Variants in SYT16 observed in about 807,000 individuals in gnomAD.
SYT16 encodes synaptotagmin 16, also known as synaptotagmin-16.
A neutral mutation model predicts 61.4 loss-of-function variants in SYT16; 42 were observed. The observed-to-expected ratio is 0.68, with a 90% CI of 0.53 to 0.89. The LOEUF (loss-of-function observed/expected upper bound fraction) is 0.89. SYT16 is among the 40% of genes least tolerant of loss of function. The pLI, the probability that SYT16 is intolerant of heterozygous loss-of-function variation, is 0.00. For missense variants in SYT16, 804 were observed against 807.3 expected (o/e 1.00, Z 0.05); for synonymous variants, 314 against 302.3 (o/e 1.04, Z -0.40).
At chr14:61,943,311 G>A (rs2050283882) in intron 1 of SYT16, among the ~76,000 whole-genome samples, 3 of 152,132 alleles carry the variant, frequency 2.0e-5, no homozygotes, top group Admixed American at 6.5e-5. Flanking sequence ...GTACAAAGAG[G>A]AGCTGATACC....
intron 3 of SYT16, among the ~76,000 whole-genome samples, chr14:62,037,139 T>C (rs897983277): frequency 5.3e-5 from 8 of 152,162 alleles, no homozygotes; most frequent in Non-Finnish European, 4.4e-5. Flanking sequence ...CAGTCAGGTC[T>C]CAGATGCTCT....
At chr14:61,909,625 A>T (rs1361856625) in intron 1 of SYT16, among the ~76,000 whole-genome samples, 2 of 152,198 alleles carry the variant, frequency 1.3e-5, no homozygotes, top group African/African-American at 4.8e-5. Flanking sequence ...TTACATGTCC[A>T]AAGACCCCTT....
rs1235820670 is a variant in SYT16 at position 62,103,466 on chromosome 14, A to G, written c.*2759A>G. On this transcript the variant is annotated 3_prime_UTR_variant, in exon 8 of 8. Coordinates refer to ENST00000683842, the MANE Select transcript of SYT16 (RefSeq NM_001367656.1). ...TAAGAGTAAATGATGCGCTGGGTTT[A>G]TGGAAATCTGCTTTATAGTGTGCCT... 4 of 152,166 alleles carry G rather than the reference A, an allele frequency of 2.6e-5. No individual in the cohort carries two copies. The highest frequency in any genetic ancestry group is 1.3e-4 in the Admixed American group (2 of 15,272). 9.4% of individuals were successfully genotyped at this position (152,166 alleles called of 1,614,324 possible). A position where few individuals can be genotyped will look rare whatever the true frequency, so the allele number is the denominator to read the frequency against.
chr14:61,948,089 G>A (rs921912465), intron 1 of SYT16, among the ~76,000 whole-genome samples: 1 of 152,096 alleles, frequency 6.6e-6, no homozygotes, highest in Non-Finnish European at 1.5e-5. Flanking sequence ...AGTCTTGAAT[G>A]TTATAATATT....
chr14:62,006,198 T>A (rs190413949), intron 3 of SYT16, among the ~76,000 whole-genome samples: 2 of 152,226 alleles, frequency 1.3e-5, no homozygotes, highest in Admixed American at 6.5e-5. Context: ...TTTGTTTTGT[T>A]TTTGTTTTTG....
chr14:62,000,198 T>C (rs762283554), intron 3 of SYT16, among the ~76,000 whole-genome samples: 2 of 149,378 alleles, frequency 1.3e-5, no homozygotes, highest in Non-Finnish European at 3.0e-5. Flanking sequence ...TGGATTTGGC[T>C]ATTTCTCTTT....
chr14:62,062,814 C>A (rs1254817603), intron 3 of SYT16, among the ~76,000 whole-genome samples: 1 of 152,100 alleles, frequency 6.6e-6, no homozygotes, highest in African/African-American at 2.4e-5. Flanking sequence ...GGTACTGCAC[C>A]ACTGAGCACA....
At chr14:62,074,059 G>C (rs1250752764) in intron 4 of SYT16, among the ~76,000 whole-genome samples, 1 of 152,168 alleles carries the variant, frequency 6.6e-6, no homozygotes, top group Non-Finnish European at 1.5e-5. Context: ...TTCATCCTGG[G>C]ATGGGGTCTG....
chr14:61,936,560 T>C (rs1010760661), intron 1 of SYT16, among the ~76,000 whole-genome samples: 4 of 152,146 alleles, frequency 2.6e-5, no homozygotes, highest in African/African-American at 9.7e-5. Flanking sequence ...CCTGCCATAA[T>C]TGTCCCGAGA....
Position 61,923,721 on chromosome 14 carries a change from T to C in SYT16, c.-324-46411T>C, listed in dbSNP as rs187733472. ...TGTGCCAGACAAATGGAAATGAATT[T>C]TGAGTTTAGGGGTTTGACTGTTACA... is the stretch of plus-strand genomic sequence containing the variant. On this transcript the variant is annotated intron_variant, in intron 1 of 7. Coordinates refer to ENST00000683842, the MANE Select transcript of SYT16 (RefSeq NM_001367656.1). 5.2e-4 allele frequency among the ~76,000 whole-genome samples: 79 copies of C among 152,280 alleles called. No individual in the cohort carries two copies. In the East Asian group the frequency reaches 0.013, roughly 25 times the overall value.
At chr14:61,890,035 A>C (rs1014580834) in intron 1 of SYT16, among the ~76,000 whole-genome samples, 8 of 152,140 alleles carry the variant, frequency 5.3e-5, no homozygotes, top group African/African-American at 1.9e-4. Flanking sequence ...TCGGTAAATA[A>C]GAATAACCTT....
At chr14:61,943,910 G>A (rs764355272) in intron 1 of SYT16, among the ~76,000 whole-genome samples, 21 of 152,120 alleles carry the variant, frequency 1.4e-4, no homozygotes, top group Admixed American at 5.9e-4. Flanking sequence ...AAGAAATAAA[G>A]GGTATTCAAA....
intron 7 of SYT16, among the ~76,000 whole-genome samples, chr14:62,088,955 CTTT>C (rs11318289): frequency 6.9e-6 from 1 of 144,096 alleles, no homozygotes; most frequent in Non-Finnish European, 1.5e-5. Flanking sequence ...GTTGGCAATA[CTTT>C]TTTTTTTTTT....
At chr14:61,880,514 G>A (rs1476247268) in intron 1 of SYT16, among the ~76,000 whole-genome samples, 1 of 152,006 alleles carries the variant, frequency 6.6e-6, no homozygotes, top group Non-Finnish European at 1.5e-5. Context: ...ATCCTGTTGG[G>A]GTTTTGATTG....
intron 1 of SYT16, among the ~76,000 whole-genome samples, chr14:61,868,025 A>G (rs2047214807): frequency 6.6e-6 from 1 of 151,964 alleles, no homozygotes; most frequent in Non-Finnish European, 1.5e-5. Context: ...GTTCTTATGT[A>G]TTACCTCTTT....
At chr14:61,886,802 C>G (rs1462424031) in intron 1 of SYT16, among the ~76,000 whole-genome samples, 1 of 151,696 alleles carries the variant, frequency 6.6e-6, no homozygotes, top group East Asian at 1.9e-4. Context: ...TGAATCCTTT[C>G]CAGAAGGTTT....
In SYT16 at chr14:61,868,143, A is replaced by C. The variant is rs149850951; in HGVS notation, c.-325+55333A>C. The stretch of plus-strand genomic sequence containing the variant: ...TTTCCCTAAAGTAGAGAGTAGAATA[A>C]TAGTTGCCAGAGTCTGGGAAGGGTA... On this transcript the variant is annotated intron_variant, in intron 1 of 7. Coordinates refer to ENST00000683842, the MANE Select transcript of SYT16 (RefSeq NM_001367656.1). 9.7e-3 allele frequency among the ~76,000 whole-genome samples: 1,480 copies of C among 152,084 alleles called. 9 individuals carry two copies. The highest frequency in any genetic ancestry group is 0.034 in the Middle Eastern group (10 of 294).
At chr14:62,078,101 C>T (rs1034501741) in intron 5 of SYT16, among the ~76,000 whole-genome samples, 4 of 137,654 alleles carry the variant, frequency 2.9e-5, no homozygotes, top group Admixed American at 2.1e-4. Flanking sequence ...TCATCTTGTG[C>T]GCTTGCTCTC....
chr14:62,056,624 C>T (rs1237241205), intron 3 of SYT16, among the ~76,000 whole-genome samples: 1 of 152,174 alleles, frequency 6.6e-6, no homozygotes, highest in Admixed American at 6.5e-5. Context: ...CCTGCATAGA[C>T]TTTCTTTGTA....
Sources: gnomAD v4.1 joint callset for allele counts (sites outside exome capture counted in the v4.1 genomes callset) on GRCh38, gnomAD v4.1.1 for gene constraint, MANE v1.5 for transcripts, NCBI Gene and HGNC (gene_info 2026-07-23, HGNC 2026-07-21) for gene names.